METTL25B: variants seen among roughly 807,000 people sequenced by gnomAD.
METTL25B encodes methyltransferase-like protein 25B.
Under a neutral mutation model 48.4 loss-of-function variants are expected in METTL25B, and 38 were observed. The observed-to-expected ratio is 0.78, with a 90% confidence interval of 0.61 to 1.03. The LOEUF (loss-of-function observed/expected upper bound fraction) is 1.03. Among genes scored for constraint, METTL25B ranks in the 50% least tolerant of loss-of-function variants. METTL25B has a pLI of 0.00. For missense variants in METTL25B, 537 were observed against 603.7 expected (o/e 0.89, Z 1.16); for synonymous variants, 230 against 254.5 (o/e 0.90, Z 0.92).
chr1:156,733,364 C>T lies in METTL25B; in HGVS notation c.493-13C>T. On this transcript the variant is annotated splice_polypyrimidine_tract_variant and intron_variant, in intron 4 of 7. Coordinates refer to ENST00000368216, the MANE Select transcript of METTL25B (RefSeq NM_015997.4). ...ACTGAACAGGGCTGTTTCCATCCTC[C>T]TCGTGACTCCAGGGCCATCTCTCCC... The T allele has an allele frequency of 6.2e-7, 1 of 1,614,000 alleles. No individual in the cohort carries two copies. Among genetic ancestry groups the T allele is most frequent in the South Asian group, 1.1e-5 (1 of 91,070 alleles).
chr1:156,735,617 G>T, intron 6 of METTL25B, 108 bp from the exon 7 acceptor site: 1 of 462,122 alleles, frequency 2.2e-6, no homozygotes, highest in Non-Finnish European at 3.3e-6. Context: ...CGCATATTGG[G>T]GTAGAAAATA....
rs567634318 is a variant in METTL25B at position 156,733,324 on chromosome 1, G to T, written c.493-53G>T. The T allele has an allele frequency of 3.1e-6, 5 of 1,600,192 alleles. No homozygotes were observed. In the East Asian group the frequency reaches 1.1e-4, roughly 36 times the overall value. ...TGTCCAGGTTACCCATGGGGAGGGTGATAGTGGATAGGGCACTGAACAGGG... is the reference window on the plus strand; with the variant it reads ...TGTCCAGGTTACCCATGGGGAGGGTTATAGTGGATAGGGCACTGAACAGGG... On this transcript the variant is annotated intron_variant, in intron 4 of 7. Coordinates refer to ENST00000368216, the MANE Select transcript of METTL25B (RefSeq NM_015997.4).
intron 7 of METTL25B, chr1:156,736,268 A>C: frequency 4.0e-6 from 1 of 250,488 alleles, no homozygotes; most frequent in East Asian, 9.1e-5. Flanking sequence ...GTTGAGGCAA[A>C]AGAATTGCTT....
intron 7 of METTL25B, 42 bp from the exon 8 acceptor site, chr1:156,736,590 T>C: frequency 6.2e-7 from 1 of 1,611,774 alleles, no homozygotes; most frequent in South Asian, 1.1e-5. Context: ...GCTGAGTGAG[T>C]TTGGTTCATT....
chr1:156,728,830 T>G lies in METTL25B; in HGVS notation c.-275T>G. The G allele has an allele frequency of 1.2e-6, 1 of 851,162 alleles. No homozygotes were observed. 52.7% of individuals were successfully genotyped at this position (851,162 alleles called of 1,614,324 possible). ...TGTGAGCTGAGCTCAGCGGCACGCT[T>G]TTGTGGCGTCACTGCACTGTTACCC... On this transcript the variant is annotated 5_prime_UTR_variant, in exon 1 of 8. Transcript: ENST00000368216.
At position 156,733,744 on chromosome 1, in the gene METTL25B, C is replaced by T. The variant is rs552142050; in HGVS notation, c.636+224C>T. On this transcript the variant is annotated intron_variant, in intron 5 of 7. Transcript: ENST00000368216. ...TTTCCACACCAATGTATACTTCTCA[C>T]TACCTGTGAAGTGGCCAGTCAGGTT... 1.7e-5 allele frequency: 11 copies of T among 648,438 alleles called. No individual in the cohort carries two copies. In the African/African-American group the frequency reaches 2.0e-4, roughly 12 times the overall value. The allele number at this position is 648,438 out of a possible 1,614,324, so 40.2% of individuals were successfully genotyped here.
chr1:156,730,454 T>A (rs1649181807), intron 1 of METTL25B, among the ~76,000 whole-genome samples: 1 of 152,116 alleles, frequency 6.6e-6, no homozygotes, highest in African/African-American at 2.4e-5. Context: ...CCGGGTACGA[T>A]GGCTCACACC....
At chr1:156,736,498 A>T (rs541877263) in intron 7 of METTL25B, 134 bp from the exon 8 acceptor site, 2 of 999,258 alleles carry the variant, frequency 2.0e-6, no homozygotes, top group Admixed American at 4.5e-5. Flanking sequence ...CGTGTTCCTT[A>T]TGGAGAACGG....
chr1:156,735,966 CCTT>C (rs1649754522), intron 7 of METTL25B, 57 bp downstream of exon 7: 1 of 1,466,458 alleles, frequency 6.8e-7, no homozygotes, highest in Non-Finnish European at 9.3e-7. Flanking sequence ...TTCTGGGGCT[CCTT>C]CTCCAAGTCC....
chr1:156,733,115 A>T, intron 4 of METTL25B, 68 bp downstream of exon 4: 2 of 1,450,502 alleles, frequency 1.4e-6, no homozygotes, highest in South Asian at 1.2e-5. Context: ...AAGGCAGGTT[A>T]TCGGGCCACA....
chr1:156,732,552 T>C (rs1172264669), intron 3 of METTL25B, 79 bp downstream of exon 3: 1 of 1,372,428 alleles, frequency 7.3e-7, no homozygotes, highest in Middle Eastern at 1.9e-4. Flanking sequence ...ATGTGTGCCC[T>C]TTACCTCACA....
At position 156,735,724 on chromosome 1, in the gene METTL25B, GAT is replaced by G; in HGVS notation, c.1124_1125del (p.Tyr375CysfsTer65). 1 of 1,604,828 alleles carries G rather than the reference GAT, an allele frequency of 6.2e-7. No homozygotes were observed. The highest frequency in any genetic ancestry group is 8.5e-7 in the Non-Finnish European group (1 of 1,175,212). On this transcript the variant is annotated frameshift_variant and splice_region_variant, in exon 7 of 8. Transcript: ENST00000368216. LOFTEE classifies it high-confidence loss of function. ...AGTGCTGAATGTGACTGATCCCACA[GAT>G]ATGTGCAGCGGGGGCTACAGCGAGT... is the stretch of plus-strand genomic sequence containing the variant.
chr1:156,733,469 G>T lies in METTL25B; in HGVS notation c.585G>T (p.Leu195=). 1 of 1,614,164 alleles carries T rather than the reference G, an allele frequency of 6.2e-7. No homozygotes were observed. The highest frequency in any genetic ancestry group is 8.5e-7 in the Non-Finnish European group (1 of 1,180,026). The part of the protein sequence containing the change: ...DQRLVERAQR[L]DQELLQALEK... ...GACTGGTGGAGAGAGCCCAGCGCCT[G>T]GACCAGGAGCTTCTGCAGGCTCTGG... Residue 195 remains leucine (L), a synonymous_variant, in exon 5 of 8, where the codon CTG becomes CTT. Coordinates refer to ENST00000368216, the MANE Select transcript of METTL25B (RefSeq NM_015997.4).
Position 156,733,518 on chromosome 1 carries a change from C to T in METTL25B, c.634C>T (p.Gln212Ter), listed in dbSNP as rs1029165364. 3 of 1,613,448 alleles carry T rather than the reference C, an allele frequency of 1.9e-6. No individual in the cohort carries two copies. Among genetic ancestry groups the T allele is most frequent in the Non-Finnish European group, 2.5e-6 (3 of 1,179,952 alleles). Residue 212 changes from glutamine (Q) to a stop codon, truncating the protein, a stop_gained and splice_region_variant, in exon 5 of 8, where the codon CAG becomes TAG. Transcript: ENST00000368216. LOFTEE classifies it high-confidence loss of function. ...GGAGAAAGAGGAGAAGAGGAACCCG[C>T]AGGTAGGCCAACCCTTCCTGCGACC... The part of the protein sequence containing the change: ...ALEKEEKRNP[Q>*]VVQTSPRHSP...
At chr1:156,734,773 C>T (rs184595527) in intron 6 of METTL25B, among the ~76,000 whole-genome samples, 26 of 151,628 alleles carry the variant, frequency 1.7e-4, no homozygotes, top group Admixed American at 5.2e-4. Context: ...CCTGGTGGTC[C>T]GCCCACCTCG....
chr1:156,732,319 A>G lies in METTL25B; in HGVS notation c.275A>G (p.Lys92Arg), dbSNP rs1383926598. Reference protein sequence around the residue: ...SVWPLTLLALKSTACALAFTR... With the variant: ...SVWPLTLLALRSTACALAFTR... The stretch of plus-strand genomic sequence containing the variant: ...TGGCCACTCACCCTGCTGGCCCTGA[A>G]GTCCACGGCGTGTGCCCTGGCCTTT... The change falls in exon 3 of 8, where the codon AAG (lysine) becomes AGG (arginine). Residue 92 changes from lysine (K) to arginine (R), a missense_variant. By Grantham distance (26) the Lys-to-Arg change is conservative. Coordinates refer to ENST00000368216, the MANE Select transcript of METTL25B (RefSeq NM_015997.4). 6.2e-7 allele frequency: 1 copy of G among 1,614,244 alleles called. No individual in the cohort carries two copies. Among genetic ancestry groups the G allele is most frequent in the Non-Finnish European group, 8.5e-7 (1 of 1,180,040 alleles).
rs201619370 is a variant in METTL25B at position 156,733,517 on chromosome 1, G to A, written c.633G>A (p.Pro211=). 7.7e-5 allele frequency: 125 copies of A among 1,613,612 alleles called. No individual in the cohort carries two copies. Among genetic ancestry groups the A allele is most frequent in the Admixed American group, 3.0e-4 (18 of 60,008 alleles). The change falls in exon 5 of 8, where the codon CCG becomes CCA. Residue 211 remains proline, a synonymous_variant. Coordinates refer to ENST00000368216, the MANE Select transcript of METTL25B (RefSeq NM_015997.4). The part of the protein sequence containing the change: ...QALEKEEKRN[P]QVVQTSPRHS... ...TGGAGAAAGAGGAGAAGAGGAACCCGCAGGTAGGCCAACCCTTCCTGCGAC... is the reference window on the plus strand; with the variant it reads ...TGGAGAAAGAGGAGAAGAGGAACCCACAGGTAGGCCAACCCTTCCTGCGAC...
chr1:156,734,534 TTC>T, intron 6 of METTL25B, 41 bp downstream of exon 6: 1 of 1,476,516 alleles, frequency 6.8e-7, no homozygotes, highest in Non-Finnish European at 9.0e-7. Flanking sequence ...GAGAGGAGAT[TTC>T]TTTTTTTTTT....
At position 156,729,034 on chromosome 1, in the gene METTL25B, C is replaced by A. The variant is rs1648982365; in HGVS notation, c.-71C>A. The A allele has an allele frequency of 4.8e-6, 4 of 835,194 alleles. No homozygotes were observed. The highest frequency in any genetic ancestry group is 5.6e-6 in the Non-Finnish European group (3 of 538,200). 51.7% of individuals were successfully genotyped at this position (835,194 alleles called of 1,614,324 possible). A position where few individuals can be genotyped will look rare whatever the true frequency, so the allele number is the denominator to read the frequency against. On this transcript the variant is annotated 5_prime_UTR_variant, in exon 1 of 8. Coordinates refer to ENST00000368216, the MANE Select transcript of METTL25B (RefSeq NM_015997.4). Reference sequence around the variant, plus strand: ...AGTTGAGCCCCGTCCGGGTCCTGGACCCGCGTAGTACTGACCCTGGATCCC... The same window carrying A: ...AGTTGAGCCCCGTCCGGGTCCTGGAACCGCGTAGTACTGACCCTGGATCCC...
Sources: allele counts gnomAD v4.1 joint callset (sites outside exome capture counted in the v4.1 genomes callset), GRCh38; gene constraint gnomAD v4.1.1; transcripts MANE v1.5; gene names NCBI Gene and HGNC (gene_info 2026-07-23, HGNC 2026-07-21).